SLC35H1: variants seen among roughly 807,000 people sequenced by gnomAD.
SLC35H1 encodes solute carrier family 35 member H1, also known as ovarian cancer-overexpressed gene 1 protein.
the SLC35H1 span, among the ~76,000 whole-genome samples, chr20:46,359,763 CT>C: frequency 6.6e-6 from 1 of 152,208 alleles, no homozygotes; most frequent in Non-Finnish European, 1.5e-5. Flanking sequence ...GGGTGCCCCC[CT>C]CAACCACAGA....
the SLC35H1 span, chr20:46,348,452 C>A: frequency 6.6e-6 from 1 of 152,194 alleles, no homozygotes; most frequent in African/African-American, 2.4e-5. Context: ...GAGGCCCTGG[C>A]CCCCCTCCTT....
the SLC35H1 span, among the ~76,000 whole-genome samples, chr20:46,357,406 G>T: frequency 3.9e-5 from 6 of 152,346 alleles, no homozygotes; most frequent in Admixed American, 3.9e-4. Flanking sequence ...GGTGCAGGGG[G>T]GGTTTTGTGG....
the SLC35H1 span, chr20:46,355,282 T>G: frequency 2.5e-6 from 4 of 1,574,540 alleles, no homozygotes; most frequent in Middle Eastern, 1.7e-4. The surrounding 1 kb of genome is among the most constrained non-coding windows in gnomAD (Gnocchi z 4.8). Context: ...TCGGGGGTCT[T>G]GAGGGTCAAG....
the SLC35H1 span, among the ~76,000 whole-genome samples, chr20:46,354,420 C>T: frequency 1.4e-4 from 21 of 152,236 alleles, no homozygotes; most frequent in South Asian, 4.1e-4. Flanking sequence ...TCCCTGATTC[C>T]CCATTCCTTA....
the SLC35H1 span, chr20:46,355,686 A>T: frequency 6.7e-7 from 1 of 1,488,612 alleles, no homozygotes; most frequent in Non-Finnish European, 9.1e-7. This position sits in a 1 kb window ranked among gnomAD's most constrained non-coding sequence, Gnocchi z 4.8. Context: ...ATCTACTGCC[A>T]CCTGGACTGG....
At chr20:46,350,249 TC>T in the SLC35H1 span, 1 of 967,302 alleles carries the variant, frequency 1.0e-6, no homozygotes. Flanking sequence ...GGGGCAAAAG[TC>T]ATGAGTCCCT....
At chr20:46,363,451 C>T in the SLC35H1 span, among the ~76,000 whole-genome samples, 12 of 152,188 alleles carry the variant, frequency 7.9e-5, no homozygotes, top group South Asian at 4.1e-4. Flanking sequence ...TTATTTCTCA[C>T]GCTCCCAATC....
the SLC35H1 span, chr20:46,356,444 G>T: frequency 1.1e-6 from 1 of 875,138 alleles, no homozygotes; most frequent in Non-Finnish European, 1.8e-6. Flanking sequence ...GCCAGGGAGA[G>T]GCTGAGAGAG....
At chr20:46,358,993 G>A in the SLC35H1 span, 1 of 551,316 alleles carries the variant, frequency 1.8e-6, no homozygotes, top group East Asian at 3.2e-5. Flanking sequence ...TCAGGCCACT[G>A]CTTAAAACCC....
At chr20:46,358,807 G>T in the SLC35H1 span, 42 of 1,242,566 alleles carry the variant, frequency 3.4e-5, no homozygotes, top group Non-Finnish European at 4.6e-5. Flanking sequence ...GGCAGAGACT[G>T]TGCTTCTCGT....
At chr20:46,346,564 T>C in the SLC35H1 span, 5 of 152,272 alleles carry the variant, frequency 3.3e-5, no homozygotes, top group Admixed American at 2.0e-4. Context: ...GTGGATTACC[T>C]GAGGTCAGGA....
chr20:46,350,131 C>T, the SLC35H1 span: 1 of 309,224 alleles, frequency 3.2e-6, no homozygotes, highest in Middle Eastern at 8.7e-4. Context: ...TGGGAAGAAC[C>T]AGCCCACTCC....
chr20:46,348,932 C>T, the SLC35H1 span: 2 of 152,192 alleles, frequency 1.3e-5, no homozygotes, highest in Admixed American at 1.3e-4. Flanking sequence ...ACTATCTGGC[C>T]CTTTACAGGA....
At chr20:46,362,659 C>T in the SLC35H1 span, among the ~76,000 whole-genome samples, 1 of 152,170 alleles carries the variant, frequency 6.6e-6, no homozygotes, top group African/African-American at 2.4e-5. Context: ...CAGAGGACCC[C>T]GCACTGCCAG....
At chr20:46,352,319 T>C in the SLC35H1 span, 2 of 1,141,874 alleles carry the variant, frequency 1.8e-6, no homozygotes, top group Non-Finnish European at 2.5e-6. Context: ...ACTGTAGTAG[T>C]GAGTTCTTAC....
chr20:46,350,340 G>C, the SLC35H1 span: 2 of 1,545,638 alleles, frequency 1.3e-6, no homozygotes, highest in Middle Eastern at 1.8e-4. Context: ...AGCACAGTGA[G>C]TGCTGGCAGC....
the SLC35H1 span, chr20:46,355,254 G>C: frequency 5.6e-6 from 9 of 1,608,398 alleles, no homozygotes; most frequent in African/African-American, 1.3e-5. The surrounding 1 kb of genome is among the most constrained non-coding windows in gnomAD (Gnocchi z 4.8). Flanking sequence ...GGTAGGATGG[G>C]GAGCAGTGGC....
At chr20:46,346,539 G>C in the SLC35H1 span, 1 of 152,182 alleles carries the variant, frequency 6.6e-6, no homozygotes, top group African/African-American at 2.4e-5. Context: ...CCAGCACTTT[G>C]GGAGGTCAAG....
chr20:46,364,356 C>A, the SLC35H1 span: 1 of 152,394 alleles, frequency 6.6e-6, no homozygotes, highest in African/African-American at 2.4e-5. Flanking sequence ...GGAGGCCGGC[C>A]GCACACCCAC....
Sources: gnomAD v4.1 joint callset for allele counts (sites outside exome capture counted in the v4.1 genomes callset) on GRCh38, gnomAD v4.1.1 for gene constraint, Gnocchi (gnomAD v3.1) non-coding constraint, MANE v1.5 for transcripts, NCBI Gene and HGNC (gene_info 2026-07-23, HGNC 2026-07-21) for gene names.